The following TMEM273 variants were observed in gnomAD, a reference collection of about 807,000 sequenced individuals.
The protein encoded by TMEM273 is chromosome 10 open reading frame 128.
Under a neutral mutation model 17.9 loss-of-function variants are expected in TMEM273, and 19 were observed. The observed-to-expected ratio is 1.06, with a 90% confidence interval of 0.74 to 1.55. TMEM273 has a LOEUF of 1.55. Among genes scored for constraint, TMEM273 ranks in the 40% most tolerant of loss-of-function variants. The pLI, the probability that TMEM273 is intolerant of heterozygous loss-of-function variation, is 0.00. For missense variants in TMEM273, 194 were observed against 155.6 expected (o/e 1.25, Z -1.31); for synonymous variants, 66 against 62.0 (o/e 1.07, Z -0.31).
chr10:49,169,703 T>C (rs1174292852), intron 1 of TMEM273, among the ~76,000 whole-genome samples: 2 of 152,146 alleles, frequency 1.3e-5, no homozygotes, highest in African/African-American at 2.4e-5. Flanking sequence ...CTTCATTCCA[T>C]TGTCTTATTG....
intron 1 of TMEM273, among the ~76,000 whole-genome samples, chr10:49,183,535 TAA>T (rs1743393009): frequency 6.6e-6 from 1 of 152,222 alleles, no homozygotes; most frequent in African/African-American, 2.4e-5. Flanking sequence ...TTTAAAAAGT[TAA>T]AAAGTCACTT....
chr10:49,179,684 G>A (rs554861573), intron 1 of TMEM273, among the ~76,000 whole-genome samples: 18 of 152,308 alleles, frequency 1.2e-4, no homozygotes, highest in East Asian at 9.6e-4. Context: ...TCAGAACTCA[G>A]GAATAACAGG....
At position 49,161,584 on chromosome 10, in the gene TMEM273, A is replaced by T; in HGVS notation, c.372+15T>A. ...TGTCCTCCTTTTAAGACAAGTGATC[A>T]CTCTTACAACTCACCTTTTGGAGAA... On this transcript the variant is annotated intron_variant, in intron 6 of 6. Coordinates refer to ENST00000374153, the MANE Select transcript of TMEM273 (RefSeq NM_001288740.3). 2 of 1,614,150 alleles carry T rather than the reference A, an allele frequency of 1.2e-6. No individual in the cohort carries two copies. The highest frequency in any genetic ancestry group is 1.7e-6 in the Non-Finnish European group (2 of 1,180,016).
intron 6 of TMEM273, among the ~76,000 whole-genome samples, chr10:49,156,784 T>G (rs1470994509): frequency 2.0e-5 from 3 of 152,152 alleles, no homozygotes; most frequent in African/African-American, 7.2e-5. Flanking sequence ...TACCCCATAT[T>G]TGAGGACCAA....
At chr10:49,166,062 C>T (rs931255239) in intron 3 of TMEM273, among the ~76,000 whole-genome samples, 2 of 152,216 alleles carry the variant, frequency 1.3e-5, no homozygotes, top group African/African-American at 4.8e-5. Context: ...CGGAAGCCTC[C>T]TCCTCTCCCG....
At chr10:49,174,850 C>A (rs1384434340) in intron 1 of TMEM273, among the ~76,000 whole-genome samples, 1 of 152,110 alleles carries the variant, frequency 6.6e-6, no homozygotes, top group African/African-American at 2.4e-5. Flanking sequence ...ACCCCTGCGA[C>A]CCTGACGCTA....
At chr10:49,156,357 G>A in intron 6 of TMEM273, 6 of 1,090,002 alleles carry the variant, frequency 5.5e-6, no homozygotes, top group Non-Finnish European at 7.3e-6. Flanking sequence ...AGACTTCTCT[G>A]TGCTTGGTGT....
rs185112787 is a variant in TMEM273 at position 49,179,113 on chromosome 10, A to T, written c.43+9181T>A. ...GGGGAGAGTGAGCCCAGTCCATCTC[A>T]CTAAGAACCATTATCCAGTTATTTC... On this transcript the variant is annotated intron_variant, in intron 1 of 6. Coordinates refer to ENST00000374153, the MANE Select transcript of TMEM273 (RefSeq NM_001288740.3). Among the ~76,000 whole-genome samples, 10 of 152,364 alleles carry T rather than the reference A, an allele frequency of 6.6e-5. No individual in the cohort carries two copies. In the East Asian group the frequency reaches 1.9e-3, roughly 29 times the overall value.
At chr10:49,168,379 C>A (rs1448141346) in intron 1 of TMEM273, among the ~76,000 whole-genome samples, 3 of 152,162 alleles carry the variant, frequency 2.0e-5, no homozygotes, top group Non-Finnish European at 4.4e-5. Flanking sequence ...TTTACCTGGT[C>A]TTGGCTCCAT....
At chr10:49,160,461 C>T (rs964871862) in intron 6 of TMEM273, 1 of 151,484 alleles carries the variant, frequency 6.6e-6, no homozygotes, top group African/African-American at 2.4e-5. Context: ...ATTAACAATG[C>T]CATAAGGATA....
rs1554850042 is a variant in TMEM273, at chr10:49,186,068, G to GAAGAAGAAGAA, written c.43+2225_43+2226insTTCTTCTTCTT. Reference sequence around the variant, plus strand: ...AAGAAGAAGAGGAAGAAGAAGAAGAGGAAGAAGAAGAAGAAGAAGAAGAAG... The same window carrying GAAGAAGAAGAA: ...AAGAAGAAGAGGAAGAAGAAGAAGAGAAGAAGAAGAAGAAGAAGAAGAAGAAGAAGAAGAAG... On this transcript the variant is annotated intron_variant, in intron 1 of 6. Transcript: ENST00000374153. Among the ~76,000 whole-genome samples, 198 of 67,180 alleles carry GAAGAAGAAGAA rather than the reference G, an allele frequency of 2.9e-3. 6 individuals are homozygous for GAAGAAGAAGAA. Among genetic ancestry groups the GAAGAAGAAGAA allele is most frequent in the African/African-American group, 8.5e-3 (168 of 19,786 alleles). 44.1% of individuals were successfully genotyped at this position (67,180 alleles called of 152,430 possible).
At chr10:49,159,130 G>C (rs1203120146) in intron 6 of TMEM273, among the ~76,000 whole-genome samples, 1 of 151,846 alleles carries the variant, frequency 6.6e-6, no homozygotes, top group Non-Finnish European at 1.5e-5. Context: ...GTTTATCTCT[G>C]AATCGTGTAC....
intron 2 of TMEM273, among the ~76,000 whole-genome samples, chr10:49,167,568 G>A (rs769784342): frequency 2.0e-5 from 3 of 152,216 alleles, no homozygotes; most frequent in African/African-American, 4.8e-5. Context: ...GGGCAGACAG[G>A]CTGGAAGCTC....
At chr10:49,164,632 A>G (rs1416048692) in intron 5 of TMEM273, among the ~76,000 whole-genome samples, 6 of 152,122 alleles carry the variant, frequency 3.9e-5, no homozygotes, top group Non-Finnish European at 8.8e-5. Flanking sequence ...CACATGAAAC[A>G]CTTGCTTCTG....
rs114982686 is a variant in TMEM273 at position 49,171,045 on chromosome 10, C to A, written c.44-3083G>T. Among the ~76,000 whole-genome samples, 311 of 152,318 alleles carry A rather than the reference C, an allele frequency of 2.0e-3. 3 individuals are homozygous for A. Among genetic ancestry groups the A allele is most frequent in the African/African-American group, 7.2e-3 (298 of 41,566 alleles). On this transcript the variant is annotated intron_variant, in intron 1 of 6. Coordinates refer to ENST00000374153, the MANE Select transcript of TMEM273 (RefSeq NM_001288740.3). ...GTGGGAGACCCCAGGAGGAAGCCCA[C>A]GAGGACCAGCAGGAACTGCACTGCA... is the stretch of plus-strand genomic sequence containing the variant.
rs77877927 is a variant in TMEM273, at chr10:49,163,596, C to G, written c.348+1609G>C. On this transcript the variant is annotated intron_variant, in intron 5 of 6. Transcript: ENST00000374153. ...TTTACAGAGCCTCTTCTCACTCTCA[C>G]AAAGTGCTGTCTTGGATGATAAGTT... 5.4e-3 allele frequency among the ~76,000 whole-genome samples: 818 copies of G among 152,274 alleles called. 7 individuals carry two copies. Among genetic ancestry groups the G allele is most frequent in the African/African-American group, 0.019 (783 of 41,548 alleles).
In TMEM273 at chr10:49,167,932, C is replaced by T. The variant is rs779470511; in HGVS notation, c.74G>A (p.Gly25Asp). ...ACCAATTTCAGCCCCAGGGGTCTTG[C>T]CTGTTGCCAGCACTTGAGCTCCTCC... ...DVGGAQVLAT[G>D]KTPGAEIDFK... Residue 25 changes from glycine (G) to aspartate (D), a missense_variant, in exon 2 of 7, where the codon GGC becomes GAC. By Grantham distance (94) the Gly-to-Asp change is moderately conservative (BLOSUM62 -1). Coordinates refer to ENST00000374153, the MANE Select transcript of TMEM273 (RefSeq NM_001288740.3). 28 of 1,613,922 alleles carry T rather than the reference C, an allele frequency of 1.7e-5. No homozygotes were observed. In the South Asian group the frequency reaches 2.2e-4, roughly 13 times the overall value.
At position 49,155,562 on chromosome 10, in the gene TMEM273, G is replaced by T. The variant is rs1412106798; in HGVS notation, c.*330C>A. ...TTTCATGAGCCATTTTCTGTGGTAG[G>T]TTCCACGGACATGGACACCATGGCC... On this transcript the variant is annotated 3_prime_UTR_variant, in exon 7 of 7. Coordinates refer to ENST00000374153, the MANE Select transcript of TMEM273 (RefSeq NM_001288740.3). The T allele has an allele frequency of 2.0e-5, 8 of 408,310 alleles. No individual in the cohort carries two copies. Among genetic ancestry groups the T allele is most frequent in the African/African-American group, 1.2e-4 (6 of 49,156 alleles). 25.3% of individuals were successfully genotyped at this position (408,310 alleles called of 1,614,324 possible). A position where few individuals can be genotyped will look rare whatever the true frequency, so the allele number is the denominator to read the frequency against.
chr10:49,161,272 T>C, intron 6 of TMEM273: 1 of 347,526 alleles, frequency 2.9e-6, no homozygotes, highest in Non-Finnish European at 5.3e-6. Flanking sequence ...TGGACTAAAT[T>C]GGCTAATTAT....
Sources: gnomAD v4.1 joint callset for allele counts (sites outside exome capture counted in the v4.1 genomes callset) on GRCh38, gnomAD v4.1.1 for gene constraint, MANE v1.5 for transcripts, NCBI Gene and HGNC (gene_info 2026-07-23, HGNC 2026-07-21) for gene names.